The following AGBL4 variants were observed in gnomAD, a reference collection of about 807,000 sequenced individuals.
The protein encoded by AGBL4 is AGBL carboxypeptidase 4, also known as cytosolic carboxypeptidase 6.
AGBL4 carries 58 observed loss-of-function variants against 66.4 expected under a neutral mutation model. The ratio of observed to expected loss-of-function variants is 0.87; its 90% CI spans 0.71 to 1.09. The LOEUF is 1.09. Ranked by LOEUF, AGBL4 falls within the 50% of genes least tolerant of loss-of-function variation. The pLI is 0.00. For missense variants in AGBL4, 579 were observed against 631.0 expected (o/e 0.92, Z 0.88); for synonymous variants, 234 against 222.9 (o/e 1.05, Z -0.44).
At chr1:49,725,207 A>G (rs1311655760) in intron 2 of AGBL4, among the ~76,000 whole-genome samples, 1 of 152,196 alleles carries the variant, frequency 6.6e-6, no homozygotes, top group African/African-American at 2.4e-5. Context: ...AGATGCATCT[A>G]TGTTAATATA....
intron 2 of AGBL4, among the ~76,000 whole-genome samples, chr1:49,727,698 T>A (rs1378549766): frequency 6.6e-6 from 1 of 152,160 alleles, no homozygotes; most frequent in East Asian, 1.9e-4. Context: ...CCTGTGAAGC[T>A]TTCTGCTTTC....
intron 2 of AGBL4, among the ~76,000 whole-genome samples, chr1:49,701,131 G>T (rs566452611): frequency 1.6e-4 from 24 of 152,004 alleles, no homozygotes; most frequent in African/African-American, 5.5e-4. Flanking sequence ...AATATCCCCA[G>T]ATAAATACTG....
intron 6 of AGBL4, among the ~76,000 whole-genome samples, chr1:48,850,683 C>T (rs539908948): frequency 2.6e-5 from 4 of 152,232 alleles, no homozygotes; most frequent in African/African-American, 9.6e-5. Context: ...TGCCACAACA[C>T]CTGACTAATT....
intron 2 of AGBL4, among the ~76,000 whole-genome samples, chr1:49,712,002 T>C (rs1005675769): frequency 6.6e-5 from 10 of 152,152 alleles, no homozygotes; most frequent in East Asian, 1.9e-4. Flanking sequence ...AATGGGATGA[T>C]AGTACTTTTT....
chr1:48,619,326 T>C (rs1215683505), intron 9 of AGBL4, among the ~76,000 whole-genome samples: 1 of 152,098 alleles, frequency 6.6e-6, no homozygotes, highest in Non-Finnish European at 1.5e-5. Flanking sequence ...CGTAAACAGA[T>C]TAGTGTGGTG....
intron 3 of AGBL4, among the ~76,000 whole-genome samples, chr1:49,440,157 C>A (rs934804331): frequency 6.7e-6 from 1 of 149,836 alleles, no homozygotes; most frequent in African/African-American, 2.5e-5. Flanking sequence ...GCAAGCTGTG[C>A]TTCCTGGGTT....
intron 2 of AGBL4, among the ~76,000 whole-genome samples, chr1:49,769,962 G>T (rs565722584): frequency 6.6e-6 from 1 of 152,260 alleles, no homozygotes; most frequent in South Asian, 2.1e-4. Context: ...AAATTGACAA[G>T]TGGGACCTAA....
chr1:49,936,840 C>T (rs1654103929), intron 1 of AGBL4, among the ~76,000 whole-genome samples: 1 of 152,054 alleles, frequency 6.6e-6, no homozygotes, highest in African/African-American at 2.4e-5. Context: ...CTGAAGGAAG[C>T]ACTAAACAAG....
chr1:48,959,376 A>G (rs1201019838), intron 5 of AGBL4, among the ~76,000 whole-genome samples: 1 of 152,234 alleles, frequency 6.6e-6, no homozygotes, highest in Non-Finnish European at 1.5e-5. Flanking sequence ...GTTATTTAAT[A>G]ATTAATCCAG....
At chr1:48,635,656 T>G (rs1321585911) in intron 8 of AGBL4, among the ~76,000 whole-genome samples, 1 of 152,214 alleles carries the variant, frequency 6.6e-6, no homozygotes, top group African/African-American at 2.4e-5. Flanking sequence ...AGAAGGAGCT[T>G]CTACAAATGG....
At chr1:49,133,869 T>C (rs554094707) in intron 4 of AGBL4, among the ~76,000 whole-genome samples, 2 of 152,262 alleles carry the variant, frequency 1.3e-5, no homozygotes, top group African/African-American at 4.8e-5. Flanking sequence ...AATAAGTATG[T>C]ATGTATATGA....
chr1:49,658,067 G>T (rs1224306799), intron 3 of AGBL4, among the ~76,000 whole-genome samples: 1 of 152,106 alleles, frequency 6.6e-6, no homozygotes, highest in Non-Finnish European at 1.5e-5. Flanking sequence ...AGAGTGAATA[G>T]GCAACCTACA....
chr1:48,642,863 C>G (rs1245101703), intron 8 of AGBL4, among the ~76,000 whole-genome samples: 1 of 152,184 alleles, frequency 6.6e-6, no homozygotes, highest in Admixed American at 6.5e-5. Flanking sequence ...TGGCAAGGCT[C>G]TCACCTACCT....
rs1486013259 is a variant in AGBL4 at position 48,554,057 on chromosome 1, G to T, written c.1268-14319C>A. 2.6e-5 allele frequency among the ~76,000 whole-genome samples: 4 copies of T among 152,138 alleles called. No individual in the cohort carries two copies. In the East Asian group the frequency reaches 7.7e-4, roughly 29 times the overall value. ...AACTGCAAAACTCAGCTGAAGTCTG[G>T]GCCATTCTGTGGGTGAGAATTGGGG... is the stretch of plus-strand genomic sequence containing the variant. On this transcript the variant is annotated intron_variant, in intron 11 of 13. Transcript: ENST00000371839.
At chr1:49,977,275 T>G (rs547592241) in intron 1 of AGBL4, among the ~76,000 whole-genome samples, 2 of 152,086 alleles carry the variant, frequency 1.3e-5, no homozygotes, top group African/African-American at 4.8e-5. Flanking sequence ...ACCTCCCATC[T>G]TTCATGAGCT....
intron 6 of AGBL4, among the ~76,000 whole-genome samples, chr1:48,793,381 C>T (rs1489022999): frequency 1.3e-5 from 2 of 152,022 alleles, no homozygotes; most frequent in African/African-American, 4.8e-5. Flanking sequence ...TAGCAGCGCC[C>T]CAAAAATAAA....
chr1:48,687,391 C>T (rs532020649), intron 6 of AGBL4, among the ~76,000 whole-genome samples: 6 of 152,178 alleles, frequency 3.9e-5, no homozygotes, highest in South Asian at 2.1e-4. Flanking sequence ...CCCGGTGGGC[C>T]GCGGGTGGGC....
intron 3 of AGBL4, among the ~76,000 whole-genome samples, chr1:49,443,128 C>A (rs1013389082): frequency 6.6e-6 from 1 of 151,922 alleles, no homozygotes; most frequent in East Asian, 1.9e-4. Flanking sequence ...AGATTATTTA[C>A]TTTTTTCCTG....
At chr1:49,241,556 G>A (rs569323170) in intron 4 of AGBL4, among the ~76,000 whole-genome samples, 2 of 151,980 alleles carry the variant, frequency 1.3e-5, no homozygotes, top group East Asian at 1.9e-4. Flanking sequence ...TACTTTACTA[G>A]AGCTACATAT....
Sources: allele counts gnomAD v4.1 joint callset (sites outside exome capture counted in the v4.1 genomes callset), GRCh38; gene constraint gnomAD v4.1.1; transcripts MANE v1.5; gene names NCBI Gene and HGNC (gene_info 2026-07-23, HGNC 2026-07-21).